Variants in JAKMIP2 observed in about 807,000 individuals in gnomAD.
JAKMIP2 encodes the protein janus kinase and microtubule-interacting protein 2.
JAKMIP2 carries 25 observed loss-of-function variants against 115.0 expected under a neutral mutation model. The observed-to-expected ratio is 0.22, with a 90% CI of 0.16 to 0.30. JAKMIP2 has a LOEUF of 0.30. JAKMIP2 is among the 10% of genes least tolerant of loss of function. JAKMIP2 has a pLI of 1.00. For synonymous variants in JAKMIP2, 334 were observed against 343.6 expected, an observed-to-expected ratio of 0.97 and a Z score of 0.31; for missense variants, 642 against 957.6, an observed-to-expected ratio of 0.67 and a Z score of 4.35.
intron 2 of JAKMIP2, among the ~76,000 whole-genome samples, chr5:147,663,912 G>T (rs993750447): frequency 8.6e-5 from 13 of 151,990 alleles, no homozygotes; most frequent in Non-Finnish European, 1.3e-4. Flanking sequence ...TGTGGCATCC[G>T]CTAGTTACCA....
At chr5:147,723,887 T>C (rs1753415339) in intron 1 of JAKMIP2, among the ~76,000 whole-genome samples, 1 of 152,168 alleles carries the variant, frequency 6.6e-6, no homozygotes, top group South Asian at 2.1e-4. Flanking sequence ...CAAAGAGAGA[T>C]GTATAACGTA....
At chr5:147,684,948 C>T (rs1580778776) in intron 1 of JAKMIP2, among the ~76,000 whole-genome samples, 2 of 152,302 alleles carry the variant, frequency 1.3e-5, no homozygotes, top group East Asian at 3.9e-4. Context: ...TTATCATTTT[C>T]TTCATCATTC....
intron 20 of JAKMIP2, among the ~76,000 whole-genome samples, chr5:147,610,645 C>T (rs1184285542): frequency 6.6e-6 from 1 of 152,224 alleles, no homozygotes; most frequent in Non-Finnish European, 1.5e-5. Flanking sequence ...ATCTCCCAGT[C>T]AGGAGGCACG....
Position 147,598,157 on chromosome 5 carries a change from C to T in JAKMIP2, c.*20+3584G>A, listed in dbSNP as rs917407572. ...CTGGGACTACAGGCGCCCGCCACCA[C>T]GCCTGGCTAATTTTTGTATTTTTAT... On this transcript the variant is annotated intron_variant, in intron 21 of 21. Coordinates refer to ENST00000616793, the MANE Select transcript of JAKMIP2 (RefSeq NM_001270941.2). Among the ~76,000 whole-genome samples the T allele has an allele frequency of 8.5e-5, 13 of 152,204 alleles. No homozygotes were observed. The East Asian group carries it at 1.9e-3, about 23-fold the overall frequency.
At chr5:147,731,835 G>GCC (rs1753745656) in intron 1 of JAKMIP2, among the ~76,000 whole-genome samples, 1 of 152,198 alleles carries the variant, frequency 6.6e-6, no homozygotes, top group South Asian at 2.1e-4. Flanking sequence ...ATGATTAGCT[G>GCC]TTCTTGGTAT....
chr5:147,622,739 C>A (rs961886738), intron 17 of JAKMIP2, among the ~76,000 whole-genome samples: 11 of 152,186 alleles, frequency 7.2e-5, no homozygotes, highest in Non-Finnish European at 5.9e-5. Context: ...CTCTTCCAGA[C>A]TCTGGTTTCA....
chr5:147,662,483 T>C (rs894225810), intron 2 of JAKMIP2, among the ~76,000 whole-genome samples: 2 of 152,202 alleles, frequency 1.3e-5, no homozygotes, highest in African/African-American at 4.8e-5. Context: ...CACTACCTAT[T>C]GATCTAATCT....
intron 12 of JAKMIP2, among the ~76,000 whole-genome samples, chr5:147,633,853 C>A (rs149337499): frequency 6.6e-6 from 1 of 151,948 alleles, no homozygotes; most frequent in Non-Finnish European, 1.5e-5. Context: ...CCAGGCCTGG[C>A]TAATTTTTGT....
Position 147,778,619 on chromosome 5 carries a change from C to G in JAKMIP2, c.-149+3837G>C, listed in dbSNP as rs569853452. Among the ~76,000 whole-genome samples, 13 of 151,814 alleles carry G rather than the reference C, an allele frequency of 8.6e-5. No individual in the cohort carries two copies. In the South Asian group the frequency reaches 2.7e-3, roughly 32 times the overall value. On this transcript the variant is annotated intron_variant, in intron 1 of 21. Transcript: ENST00000616793. Reference sequence around the variant, plus strand: ...TTCCACTTATTTTAAATAATTATTACGACACTAGCTTTGCTGATAATGATA... The same window carrying G: ...TTCCACTTATTTTAAATAATTATTAGGACACTAGCTTTGCTGATAATGATA...
chr5:147,763,501 T>C (rs552388443), intron 1 of JAKMIP2, among the ~76,000 whole-genome samples: 42 of 152,258 alleles, frequency 2.8e-4, no homozygotes, highest in African/African-American at 8.7e-4. Context: ...GTCAGGTTAC[T>C]ACAGGCTTTC....
chr5:147,620,854 T>C, intron 17 of JAKMIP2, 111 bp from the exon 18 acceptor site: 1 of 733,292 alleles, frequency 1.4e-6, no homozygotes, highest in Admixed American at 2.5e-5. Context: ...ATCACTAGTA[T>C]TTGTAGAGTC....
Position 147,782,579 on chromosome 5 carries a change from TC to T in JAKMIP2, c.-273del. On this transcript the variant is annotated 5_prime_UTR_variant, in exon 1 of 22. Transcript: ENST00000616793. Reference sequence around the variant, plus strand: ...CAGCAGTGGCTGCCGGTTTTTTTTTTCCCTCTGTCTCTGGTTGGCGATGGTG... The same window carrying T: ...CAGCAGTGGCTGCCGGTTTTTTTTTTCCTCTGTCTCTGGTTGGCGATGGTG... 9.9e-7 allele frequency: 1 copy of T among 1,005,696 alleles called. No homozygotes were observed. Among genetic ancestry groups the T allele is most frequent in the East Asian group, 2.6e-5 (1 of 38,420 alleles). The allele number at this position is 1,005,696 out of a possible 1,614,324, so 62.3% of individuals were successfully genotyped here. A position where few individuals can be genotyped will look rare whatever the true frequency, so the allele number is the denominator to read the frequency against.
intron 11 of JAKMIP2, 115 bp downstream of exon 11, chr5:147,636,850 A>G (rs547546470): frequency 1.4e-4 from 111 of 788,194 alleles, no homozygotes; most frequent in Non-Finnish European, 2.2e-4. Flanking sequence ...AGTTCGAGAA[A>G]GATCACTGTG....
chr5:147,664,869 TGGCTAGGCCCCTAGCCAGAGGCAA>T (rs1759214994), intron 2 of JAKMIP2, among the ~76,000 whole-genome samples: 1 of 152,160 alleles, frequency 6.6e-6, no homozygotes, highest in Non-Finnish European at 1.5e-5. Flanking sequence ...TATATCTCTC[TGGCTAGGCCCCTAGCCAGAGGCAA>T]GAATAATATT....
intron 1 of JAKMIP2, among the ~76,000 whole-genome samples, chr5:147,768,053 G>GC (rs1157919116): frequency 1.3e-5 from 2 of 151,940 alleles, no homozygotes; most frequent in Non-Finnish European, 2.9e-5. Flanking sequence ...GGCAAGACAG[G>GC]TTACAAAACC....
At chr5:147,665,116 T>C (rs567785131) in intron 2 of JAKMIP2, among the ~76,000 whole-genome samples, 80 of 152,326 alleles carry the variant, frequency 5.3e-4, no homozygotes, top group African/African-American at 1.3e-3. Context: ...ATCTTCTAGA[T>C]TGGGGTGGGC....
chr5:147,680,332 A>G (rs1331038478), intron 1 of JAKMIP2, among the ~76,000 whole-genome samples: 2 of 152,168 alleles, frequency 1.3e-5, no homozygotes, highest in Admixed American at 6.5e-5. Flanking sequence ...GCTTCTGGGG[A>G]AATACGACCT....
intron 3 of JAKMIP2, among the ~76,000 whole-genome samples, chr5:147,652,873 G>A (rs574178608): frequency 1.3e-5 from 2 of 151,922 alleles, no homozygotes; most frequent in Admixed American, 1.3e-4. Context: ...CCCACCACCT[G>A]ACAGGCCCCA....
At chr5:147,733,547 G>C (rs996671590) in intron 1 of JAKMIP2, among the ~76,000 whole-genome samples, 3 of 152,108 alleles carry the variant, frequency 2.0e-5, no homozygotes, top group African/African-American at 7.2e-5. Context: ...CATGTGCCAT[G>C]ATGGTTTGCT....
Sources: allele counts gnomAD v4.1 joint callset (sites outside exome capture counted in the v4.1 genomes callset), GRCh38; gene constraint gnomAD v4.1.1; transcripts MANE v1.5; gene names NCBI Gene and HGNC (gene_info 2026-07-23, HGNC 2026-07-21).